Variants in ROR2 observed in about 807,000 individuals in gnomAD.
ROR2 encodes the protein tyrosine-protein kinase transmembrane receptor ROR2.
Under a neutral mutation model 74.9 loss-of-function variants are expected in ROR2, and 33 were observed. That is an observed-to-expected ratio of 0.44 (90% confidence interval 0.33 to 0.59). The LOEUF is 0.59. Ranked by LOEUF, ROR2 falls within the 20% of genes least tolerant of loss-of-function variation. The pLI, the probability that ROR2 is intolerant of heterozygous loss-of-function variation, is 0.02. For missense variants in ROR2, 1,216 were observed against 1,313.8 expected, an observed-to-expected ratio of 0.93 and a Z score of 1.15; for synonymous variants, 586 against 558.7, an observed-to-expected ratio of 1.05 and a Z score of -0.69.
At chr9:91,817,803 A>G (rs1393634215) in intron 1 of ROR2, among the ~76,000 whole-genome samples, 1 of 152,124 alleles carries the variant, frequency 6.6e-6, no homozygotes, top group African/African-American at 2.4e-5. Flanking sequence ...TAAAAGCAAA[A>G]AGAAAACAAA....
chr9:91,772,889 G>A (rs1437446936), intron 2 of ROR2, among the ~76,000 whole-genome samples: 1 of 152,188 alleles, frequency 6.6e-6, no homozygotes, highest in Non-Finnish European at 1.5e-5. Context: ...AAATGGAACT[G>A]AGAGAATCCT....
rs183940817 is a variant in ROR2, at chr9:91,871,963, G to A, written c.97+77904C>T. On this transcript the variant is annotated intron_variant, in intron 1 of 8. Transcript: ENST00000375708. ...CATCTTACCGCAGCCAGCATCTGACGACAGCCACGCAAGAGACCCCAGGAA... is the reference window on the plus strand; with the variant it reads ...CATCTTACCGCAGCCAGCATCTGACAACAGCCACGCAAGAGACCCCAGGAA... Among the ~76,000 whole-genome samples, 207 of 152,190 alleles carry A rather than the reference G, an allele frequency of 1.4e-3. 2 individuals are homozygous for A. Among genetic ancestry groups the A allele is most frequent in the African/African-American group, 4.5e-3 (188 of 41,526 alleles).
At chr9:91,908,759 T>C (rs1386539866) in intron 1 of ROR2, among the ~76,000 whole-genome samples, 1 of 152,198 alleles carries the variant, frequency 6.6e-6, no homozygotes, top group Non-Finnish European at 1.5e-5. Flanking sequence ...ATTTTAAACA[T>C]TCAGTAGAGC....
chr9:91,829,599 G>C (rs1192980821), intron 1 of ROR2, among the ~76,000 whole-genome samples: 1 of 143,610 alleles, frequency 7.0e-6, no homozygotes, highest in African/African-American at 2.6e-5. Flanking sequence ...AAGGCTGTGA[G>C]CTCAGGTGTA....
At chr9:91,791,487 C>A (rs1233151215) in intron 1 of ROR2, among the ~76,000 whole-genome samples, 1 of 152,138 alleles carries the variant, frequency 6.6e-6, no homozygotes, top group Non-Finnish European at 1.5e-5. Context: ...AGGCAAAAAT[C>A]ATTACTAGAA....
At chr9:91,785,333 C>A (rs1781308636) in intron 1 of ROR2, among the ~76,000 whole-genome samples, 1 of 152,236 alleles carries the variant, frequency 6.6e-6, no homozygotes, top group South Asian at 2.1e-4. Flanking sequence ...CTACACAAGG[C>A]CTCCCCTGGA....
intron 2 of ROR2, among the ~76,000 whole-genome samples, chr9:91,773,099 C>A (rs1471854807): frequency 6.6e-6 from 1 of 152,230 alleles, no homozygotes; most frequent in Non-Finnish European, 1.5e-5. Flanking sequence ...CAGCTCCCAT[C>A]CCACATGCAG....
At chr9:91,874,448 T>C (rs1192894497) in intron 1 of ROR2, among the ~76,000 whole-genome samples, 2 of 152,190 alleles carry the variant, frequency 1.3e-5, no homozygotes, top group African/African-American at 4.8e-5. Context: ...AAGTTTTATC[T>C]AGAAAAACTA....
At chr9:91,902,799 A>G (rs1830707181) in intron 1 of ROR2, among the ~76,000 whole-genome samples, 1 of 152,252 alleles carries the variant, frequency 6.6e-6, no homozygotes, top group Non-Finnish European at 1.5e-5. Context: ...GAAATCTGAC[A>G]CATGCTGCAA....
intron 1 of ROR2, chr9:91,948,495 A>T: frequency 9.4e-6 from 8 of 851,580 alleles, no homozygotes; most frequent in African/African-American, 1.8e-5. Context: ...AGTGAGATAA[A>T]CGCAAGCTCC....
chr9:91,934,487 G>C lies in ROR2; in HGVS notation c.97+15380C>G, dbSNP rs960036829. Among the ~76,000 whole-genome samples, 13 of 142,446 alleles carry C rather than the reference G, an allele frequency of 9.1e-5. No individual in the cohort carries two copies. The East Asian group carries it at 3.1e-3, about 34-fold the overall frequency. 93.5% of individuals were successfully genotyped at this position (142,446 alleles called of 152,430 possible). A position where few individuals can be genotyped will look rare whatever the true frequency, so the allele number is the denominator to read the frequency against. On this transcript the variant is annotated intron_variant, in intron 1 of 8. Transcript: ENST00000375708. ...CAACCCACCCACCCACACACCCAAAGCACACAGCAGGCCTTAGTTTCTGGC... is the reference window on the plus strand; with the variant it reads ...CAACCCACCCACCCACACACCCAAACCACACAGCAGGCCTTAGTTTCTGGC...
Position 91,726,587 on chromosome 9 carries a change from G to A in ROR2, c.1340C>T (p.Ser447Leu), listed in dbSNP as rs768704825. The change falls in exon 8 of 9, where the codon TCG becomes TTG. Residue 447 changes from serine to leucine, a missense_variant. Transcript: ENST00000375708. ...STPQRRQLMA[S>L]PSQDMEMPLI... ...GGGCATTTCCATGTCTTGGCTGGGC[G>A]AGGCCATCAGCTGTCGCCGCTGCGG... 6.1e-5 allele frequency: 99 copies of A among 1,613,370 alleles called. No homozygotes were observed. The highest frequency in any genetic ancestry group is 1.5e-4 in the South Asian group (14 of 91,050).
At chr9:91,855,002 T>C (rs1230758105) in intron 1 of ROR2, among the ~76,000 whole-genome samples, 5 of 152,228 alleles carry the variant, frequency 3.3e-5, no homozygotes, top group Admixed American at 6.5e-5. Flanking sequence ...CAATAGCTTA[T>C]ATTACAACTG....
At chr9:91,786,183 C>CAGGTATGG (rs1694575558) in intron 1 of ROR2, among the ~76,000 whole-genome samples, 1 of 109,948 alleles carries the variant, frequency 9.1e-6, no homozygotes, top group African/African-American at 2.9e-5. Flanking sequence ...AAAAAAAAGC[C>CAGGTATGG]AGGTATGGTG....
Position 91,724,439 on chromosome 9 carries a change from G to A in ROR2, c.2055C>T (p.Val685=), listed in dbSNP as rs1836932066. The A allele has an allele frequency of 4.3e-6, 7 of 1,614,200 alleles. No individual in the cohort carries two copies. The highest frequency in any genetic ancestry group is 5.1e-6 in the Non-Finnish European group (6 of 1,180,026). The stretch of plus-strand genomic sequence containing the variant: ...AGTAGGGCTGCAGGCCGTAGCTGAA[G>A]ACCTCCCACAGGACCACACCGTAGG... ...IWSYGVVLWE[V]FSYGLQPYCG... The change falls in exon 9 of 9, where the codon GTC becomes GTT. Residue 685 remains valine (V), a synonymous_variant. Coordinates refer to ENST00000375708, the MANE Select transcript of ROR2 (RefSeq NM_004560.4).
Position 91,726,580 on chromosome 9 carries a change from G to C in ROR2, c.1347C>G (p.Ser449Arg), listed in dbSNP as rs1837043278. Residue 449 changes from serine (S) to arginine (R), a missense_variant, in exon 8 of 9, where the codon AGC (serine) becomes AGG (arginine). By Grantham distance (110) the Ser-to-Arg change is moderately radical (BLOSUM62 -1). Coordinates refer to ENST00000375708, the MANE Select transcript of ROR2 (RefSeq NM_004560.4). ...TAATGAGGGGCATTTCCATGTCTTG[G>C]CTGGGCGAGGCCATCAGCTGTCGCC... ...PQRRQLMASP[S>R]QDMEMPLINQ... 1.2e-6 allele frequency: 2 copies of C among 1,613,296 alleles called. No individual in the cohort carries two copies.
intron 1 of ROR2, among the ~76,000 whole-genome samples, chr9:91,837,939 T>A (rs1828662335): frequency 6.6e-6 from 1 of 152,230 alleles, no homozygotes; most frequent in African/African-American, 2.4e-5. Flanking sequence ...CATACTTTTC[T>A]TTTCATTGTC....
chr9:91,906,817 G>A lies in ROR2; in HGVS notation c.97+43050C>T, dbSNP rs143478293. Among the ~76,000 whole-genome samples the A allele has an allele frequency of 6.3e-3, 964 of 152,244 alleles. 4 individuals are homozygous for A. Among genetic ancestry groups the A allele is most frequent in the Non-Finnish European group, 9.6e-3 (656 of 68,016 alleles). On this transcript the variant is annotated intron_variant, in intron 1 of 8. Transcript: ENST00000375708. ...CTGAGAAGCACCAAGGACTTCCAAG[G>A]TCCAGGCTCCAGCTTTAGAGCGCCT... is the stretch of plus-strand genomic sequence containing the variant.
chr9:91,945,514 G>A lies in ROR2; in HGVS notation c.97+4353C>T, dbSNP rs7031113. ...AGTGCTTACTGAAGCTCATTCCAGCGACAATTAAAGACATACACACCACTT... is the reference window on the plus strand; with the variant it reads ...AGTGCTTACTGAAGCTCATTCCAGCAACAATTAAAGACATACACACCACTT... On this transcript the variant is annotated intron_variant, in intron 1 of 8. Coordinates refer to ENST00000375708, the MANE Select transcript of ROR2 (RefSeq NM_004560.4). Among the ~76,000 whole-genome samples, 248 of 152,276 alleles carry A rather than the reference G, an allele frequency of 1.6e-3. 3 individuals carry two copies. Among genetic ancestry groups the A allele is most frequent in the African/African-American group, 5.7e-3 (235 of 41,536 alleles).
Sources: gnomAD v4.1 joint callset for allele counts (sites outside exome capture counted in the v4.1 genomes callset) on GRCh38, gnomAD v4.1.1 for gene constraint, MANE v1.5 for transcripts, NCBI Gene and HGNC (gene_info 2026-07-23, HGNC 2026-07-21) for gene names.